Variants in PHIP observed in about 807,000 individuals in gnomAD.
The protein encoded by PHIP is PHIP subunit of CUL4-Ring ligase complex, also known as PH-interacting protein.
A neutral mutation model predicts 236.8 loss-of-function variants in PHIP; 54 were observed. The observed-to-expected ratio is 0.23, with a 90% CI of 0.18 to 0.29. The LOEUF is 0.29. Among genes scored for constraint, PHIP ranks in the 10% least tolerant of loss-of-function variants. PHIP has a pLI of 1.00. For synonymous variants in PHIP, 756 were observed against 718.9 expected, an observed-to-expected ratio of 1.05 and a Z score of -0.83; for missense variants, 1,370 against 2,190.8, an observed-to-expected ratio of 0.63 and a Z score of 7.48.
At chr6:78,998,507 TTAAATGATCAACTA>T in intron 17 of PHIP, 116 bp from the exon 18 acceptor site, 3 of 673,616 alleles carry the variant, frequency 4.5e-6, no homozygotes, top group Non-Finnish European at 7.3e-6. Context: ...GGTAAAAGAC[TTAAATGATCAACTA>T]TAAATGATGG....
chr6:79,077,133 CGCGCCCGCACGGACGCGCGCGCCG>C, intron 4 of PHIP, among the ~76,000 whole-genome samples: 1 of 152,122 alleles, frequency 6.6e-6, no homozygotes, highest in Middle Eastern at 3.4e-3. Context: ...CGCGCGCCCC[CGCGCCCGCACGGACGCGCGCGCCG>C]GCCCCTCCTC....
chr6:79,062,224 G>A (rs1773412707), intron 4 of PHIP, among the ~76,000 whole-genome samples: 1 of 152,072 alleles, frequency 6.6e-6, no homozygotes, highest in South Asian at 2.1e-4. Context: ...AAAATCCTGA[G>A]ATTATTTCCC....
At chr6:79,039,707 ACT>A (rs1010420223) in intron 7 of PHIP, among the ~76,000 whole-genome samples, 3 of 152,016 alleles carry the variant, frequency 2.0e-5, no homozygotes, top group African/African-American at 7.3e-5. Flanking sequence ...AGGGGGGAAA[ACT>A]CTGCTTTTTA....
At position 78,971,486 on chromosome 6, in the gene PHIP, T is replaced by A. The variant is rs189847340; in HGVS notation, c.2890-598A>T. On this transcript the variant is annotated intron_variant, in intron 24 of 39. Transcript: ENST00000275034. The stretch of plus-strand genomic sequence containing the variant: ...TTTTGGGATAGCCACTATCCCATAC[T>A]TTCATTCTATTCATTAATACCATTA... 1.3e-4 allele frequency among the ~76,000 whole-genome samples: 20 copies of A among 152,326 alleles called. No individual in the cohort carries two copies. The East Asian group carries it at 2.5e-3, about 19-fold the overall frequency.
intron 35 of PHIP, 104 bp downstream of exon 35, chr6:78,954,710 A>C: frequency 1.4e-6 from 1 of 722,400 alleles, no homozygotes; most frequent in Non-Finnish European, 2.2e-6. Context: ...TAAAATAATA[A>C]AGAAATAAAC....
rs144867793 is a variant in PHIP at position 78,940,777 on chromosome 6, G to A, written c.5382C>T (p.Asp1794=). 1.9e-6 allele frequency: 3 copies of A among 1,613,596 alleles called. No homozygotes were observed. Among genetic ancestry groups the A allele is most frequent in the African/African-American group, 1.3e-5 (1 of 74,878 alleles). Residue 1794 remains aspartate, a synonymous_variant, in exon 40 of 40, where the codon GAC becomes GAT. Transcript: ENST00000275034. ...TAGAAGTTCCAAAAGTTAAAGAGGT[G>A]TCTTCGAACAACAGCTGCCTTTGCT... ...EEEQRQLLFE[D]TSLTFGTSSR...
intron 12 of PHIP, among the ~76,000 whole-genome samples, chr6:79,016,874 C>T (rs1005804806): frequency 2.0e-5 from 3 of 151,798 alleles, no homozygotes; most frequent in Non-Finnish European, 4.4e-5. Flanking sequence ...CTATGTACTA[C>T]CCTAGAAATA....
chr6:79,034,589 A>G (rs1562196232), intron 7 of PHIP, among the ~76,000 whole-genome samples: 1 of 152,148 alleles, frequency 6.6e-6, no homozygotes, highest in Admixed American at 6.5e-5. Context: ...TGAACTATTT[A>G]TTTATTTAAA....
At chr6:79,013,361 A>G (rs1181178842) in intron 15 of PHIP, among the ~76,000 whole-genome samples, 2 of 151,716 alleles carry the variant, frequency 1.3e-5, no homozygotes, top group African/African-American at 4.8e-5. Context: ...CTGCAATTCT[A>G]TGAATACTAT....
chr6:79,065,122 T>G (rs1773561634), intron 4 of PHIP, among the ~76,000 whole-genome samples: 1 of 152,202 alleles, frequency 6.6e-6, no homozygotes, highest in African/African-American at 2.4e-5. Context: ...TATTTTTAAA[T>G]CCATCTACCT....
chr6:79,019,907 TA>T (rs1771026386), intron 9 of PHIP, among the ~76,000 whole-genome samples: 1 of 152,156 alleles, frequency 6.6e-6, no homozygotes, highest in Non-Finnish European at 1.5e-5. Context: ...ACACCAGCTC[TA>T]ATACATTTAA....
intron 6 of PHIP, among the ~76,000 whole-genome samples, chr6:79,043,866 T>C (rs1240454312): frequency 6.6e-6 from 1 of 151,170 alleles, no homozygotes; most frequent in Non-Finnish European, 1.5e-5. Flanking sequence ...GCCATCTACA[T>C]TGGGTAATTA....
intron 7 of PHIP, among the ~76,000 whole-genome samples, chr6:79,033,430 C>A (rs1582257453): frequency 1.3e-5 from 2 of 152,190 alleles, no homozygotes; most frequent in East Asian, 3.8e-4. Flanking sequence ...ATGATCTTAG[C>A]TAGGTCTTTT....
intron 15 of PHIP, among the ~76,000 whole-genome samples, chr6:79,004,761 T>C (rs1319876183): frequency 1.3e-5 from 2 of 152,088 alleles, no homozygotes; most frequent in East Asian, 1.9e-4. Context: ...TTGAGCTTTA[T>C]TAGTAATATC....
intron 4 of PHIP, among the ~76,000 whole-genome samples, chr6:79,077,019 T>C (rs1431110016): frequency 6.6e-6 from 1 of 152,150 alleles, no homozygotes; most frequent in East Asian, 1.9e-4. Context: ...CACCAGCTAT[T>C]GTGTAGGGCA....
intron 17 of PHIP, among the ~76,000 whole-genome samples, chr6:79,000,460 A>G (rs1315854658): frequency 6.6e-6 from 1 of 152,094 alleles, no homozygotes; most frequent in Non-Finnish European, 1.5e-5. Context: ...TGGAATATCA[A>G]AGATACAGGA....
intron 39 of PHIP, among the ~76,000 whole-genome samples, chr6:78,944,184 T>C (rs554314105): frequency 6.6e-6 from 1 of 152,068 alleles, no homozygotes; most frequent in East Asian, 1.9e-4. Flanking sequence ...TTAGGATGAC[T>C]GGGATACAAA....
At chr6:79,060,621 A>G (rs369366308) in intron 5 of PHIP, 45 bp from the exon 6 acceptor site, 1 of 1,608,708 alleles carries the variant, frequency 6.2e-7, no homozygotes, top group Admixed American at 1.7e-5. Flanking sequence ...ACACAAAAAC[A>G]AAAGTGAGAT....
intron 29 of PHIP, 147 bp downstream of exon 29, chr6:78,965,556 C>T: frequency 1.9e-6 from 1 of 537,580 alleles, no homozygotes; most frequent in Non-Finnish European, 3.3e-6. Context: ...TCCCCTACTT[C>T]AAGGTGTACA....
Sources: allele counts gnomAD v4.1 joint callset (sites outside exome capture counted in the v4.1 genomes callset), GRCh38; gene constraint gnomAD v4.1.1; transcripts MANE v1.5; gene names NCBI Gene and HGNC (gene_info 2026-07-23, HGNC 2026-07-21).